The following DDX10 variants were observed in gnomAD, a reference collection of about 807,000 sequenced individuals.
DDX10 encodes probable ATP-dependent RNA helicase DDX10.
Under a neutral mutation model 104.3 loss-of-function variants are expected in DDX10, and 74 were observed. The observed-to-expected ratio is 0.71, with a 90% CI of 0.59 to 0.86. DDX10 has a LOEUF of 0.86. Among genes scored for constraint, DDX10 ranks in the 40% least tolerant of loss-of-function variants. The probability of loss-of-function intolerance (pLI) is 0.00; values close to 1 mark genes in which losing one functional copy is unlikely to be tolerated. For missense variants in DDX10, 952 were observed against 1,040.0 expected (o/e 0.92, Z 1.16); for synonymous variants, 351 against 353.4 (o/e 0.99, Z 0.08).
chr11:108,891,727 C>T (rs1007479410), intron 16 of DDX10, among the ~76,000 whole-genome samples: 7 of 152,096 alleles, frequency 4.6e-5, no homozygotes, highest in African/African-American at 7.2e-5. Context: ...GTATGCTACA[C>T]GTATAAAATT....
At chr11:108,868,957 A>AGAATTAAGC (rs201141774) in intron 16 of DDX10, among the ~76,000 whole-genome samples, 2,339 of 127,622 alleles carry the variant, frequency 0.018, 86 homozygotes, top group African/African-American at 0.065. Flanking sequence ...GCCACAATTA[A>AGAATTAAGC]GAATTAAGCT....
intron 17 of DDX10, among the ~76,000 whole-genome samples, chr11:108,932,457 A>T (rs1863986840): frequency 6.6e-6 from 1 of 151,946 alleles, no homozygotes; most frequent in Admixed American, 6.5e-5. Flanking sequence ...CCATCTCTAA[A>T]AAGAAATAAT....
At chr11:108,903,889 G>A (rs1269168196) in intron 16 of DDX10, among the ~76,000 whole-genome samples, 3 of 152,100 alleles carry the variant, frequency 2.0e-5, no homozygotes, top group Admixed American at 6.5e-5. Context: ...GAACGTTTAT[G>A]TGCAGGTTTT....
chr11:108,773,884 G>A (rs994357229), intron 13 of DDX10, among the ~76,000 whole-genome samples: 2 of 152,060 alleles, frequency 1.3e-5, no homozygotes, highest in African/African-American at 4.8e-5. Flanking sequence ...GGTGAATATC[G>A]GGCCCAGAGA....
chr11:108,668,698 T>G (rs1010244087), intron 1 of DDX10, among the ~76,000 whole-genome samples: 6 of 152,114 alleles, frequency 3.9e-5, no homozygotes, highest in Non-Finnish European at 8.8e-5. Context: ...CAGGCACTTG[T>G]CTAGGCGGGT....
chr11:108,826,915 C>G (rs897141165), intron 13 of DDX10, among the ~76,000 whole-genome samples: 1 of 152,142 alleles, frequency 6.6e-6, no homozygotes, highest in African/African-American at 2.4e-5. Flanking sequence ...TAGCAATTCT[C>G]AAACATTCTT....
intron 13 of DDX10, among the ~76,000 whole-genome samples, chr11:108,760,886 G>C (rs529506962): frequency 1.3e-5 from 2 of 151,934 alleles, no homozygotes; most frequent in South Asian, 4.2e-4. Flanking sequence ...CTGATTGGCA[G>C]GGCTGTTCAC....
intron 17 of DDX10, among the ~76,000 whole-genome samples, chr11:108,924,717 T>C (rs1320095326): frequency 6.6e-6 from 1 of 152,234 alleles, no homozygotes; most frequent in Non-Finnish European, 1.5e-5. Context: ...TAAGTTTTGC[T>C]CAGTACCTAT....
chr11:108,726,051 T>C (rs1375041479), intron 13 of DDX10, among the ~76,000 whole-genome samples: 2 of 152,036 alleles, frequency 1.3e-5, no homozygotes, highest in African/African-American at 4.8e-5. Flanking sequence ...GCTTTTTCCA[T>C]TGAATTACCT....
intron 13 of DDX10, among the ~76,000 whole-genome samples, chr11:108,738,505 G>T (rs192893775): frequency 1.3e-5 from 2 of 152,098 alleles, no homozygotes; most frequent in East Asian, 3.9e-4. Context: ...TATTATCCAA[G>T]AATATGCTAT....
intron 13 of DDX10, among the ~76,000 whole-genome samples, chr11:108,817,372 G>A (rs1862269763): frequency 6.6e-6 from 1 of 152,064 alleles, no homozygotes; most frequent in Non-Finnish European, 1.5e-5. Context: ...ATGTGCCTTT[G>A]CACTACTGTT....
intron 15 of DDX10, among the ~76,000 whole-genome samples, chr11:108,846,817 A>ACAAAC (rs1046244127): frequency 1.1e-5 from 1 of 89,560 alleles, no homozygotes; most frequent in African/African-American, 3.9e-5. Context: ...GGTTTAGAGT[A>ACAAAC]CAAACCAGAC....
In DDX10 at chr11:108,723,046, C is replaced by G. The variant is rs2094300420; in HGVS notation, c.1549C>G (p.Gln517Glu). The G allele has an allele frequency of 2.5e-6, 4 of 1,611,976 alleles. No homozygotes were observed. The South Asian group carries it at 4.4e-5, about 18-fold the overall frequency. Reference sequence around the variant, plus strand: ...ACGCGTAAGATTTCTTCAGAAAATGCAGAAACAACCCACCAAAGAATTGGT... The same window carrying G: ...ACGCGTAAGATTTCTTCAGAAAATGGAGAAACAACCCACCAAAGAATTGGT... ...APRVRFLQKM[Q>E]KQPTKELVRS... Residue 517 changes from glutamine (Q) to glutamate (E), a missense_variant, in exon 13 of 18, where the codon CAG (glutamine) becomes GAG (glutamate). Physicochemically the swap from Gln to Glu is conservative, Grantham distance 29. This residue lies in a region of DDX10 where 533 missense variants were observed against 534.1 expected (regional missense o/e 1.00). Coordinates refer to ENST00000322536, the MANE Select transcript of DDX10 (RefSeq NM_004398.4).
chr11:108,876,072 A>T (rs1352648885), intron 16 of DDX10, among the ~76,000 whole-genome samples: 1 of 152,198 alleles, frequency 6.6e-6, no homozygotes, highest in East Asian at 1.9e-4. Flanking sequence ...ATTAGGTTGA[A>T]TCTTTAAGAA....
chr11:108,937,451 T>C (rs980925053), intron 17 of DDX10, among the ~76,000 whole-genome samples: 1 of 152,234 alleles, frequency 6.6e-6, no homozygotes, highest in Admixed American at 6.5e-5. Flanking sequence ...TTATATTCCA[T>C]TTAAAACTCA....
intron 13 of DDX10, among the ~76,000 whole-genome samples, chr11:108,731,093 C>G (rs2094311657): frequency 6.6e-6 from 1 of 151,854 alleles, no homozygotes; most frequent in East Asian, 1.9e-4. Flanking sequence ...GCTGTGTCAC[C>G]CAGGCTGGAG....
At chr11:108,789,362 C>T (rs1257457988) in intron 13 of DDX10, among the ~76,000 whole-genome samples, 1 of 152,136 alleles carries the variant, frequency 6.6e-6, no homozygotes, top group African/African-American at 2.4e-5. Context: ...TTATTTCAGA[C>T]TAATCTATCT....
intron 17 of DDX10, among the ~76,000 whole-genome samples, chr11:108,930,795 T>G (rs777824308): frequency 1.5e-4 from 23 of 152,196 alleles, no homozygotes; most frequent in Non-Finnish European, 2.9e-4. Context: ...ATATGCTGGA[T>G]TAAGTACTAT....
intron 6 of DDX10, among the ~76,000 whole-genome samples, chr11:108,683,169 T>TACCAG (rs2094237946): frequency 6.6e-6 from 1 of 152,230 alleles, no homozygotes; most frequent in African/African-American, 2.4e-5. Flanking sequence ...CCCTCTGTCT[T>TACCAG]GGCAAGTTGT....
Sources: gnomAD v4.1 joint callset for allele counts (sites outside exome capture counted in the v4.1 genomes callset) on GRCh38, gnomAD v4.1.1 for gene constraint, gnomAD v4.1.1 regional missense constraint, MANE v1.5 for transcripts, NCBI Gene and HGNC (gene_info 2026-07-23, HGNC 2026-07-21) for gene names.